The following KCNK10 variants were observed in gnomAD, a reference collection of about 807,000 sequenced individuals.
KCNK10 encodes potassium channel subfamily K member 10.
A neutral mutation model predicts 47.7 loss-of-function variants in KCNK10; 25 were observed. The ratio of observed to expected loss-of-function variants is 0.52; its 90% CI spans 0.38 to 0.73. The LOEUF is 0.73. KCNK10 is among the 30% of genes least tolerant of loss of function. The pLI is 0.00. For missense variants in KCNK10, 563 were observed against 714.5 expected, an observed-to-expected ratio of 0.79 and a Z score of 2.42; for synonymous variants, 303 against 285.6, an observed-to-expected ratio of 1.06 and a Z score of -0.61.
At chr14:88,265,737 T>C (rs1383582349) in intron 1 of KCNK10, among the ~76,000 whole-genome samples, 1 of 152,178 alleles carries the variant, frequency 6.6e-6, no homozygotes, top group Non-Finnish European at 1.5e-5. Flanking sequence ...AATTGAAGCA[T>C]GGGGGCAGGT....
intron 2 of KCNK10, among the ~76,000 whole-genome samples, chr14:88,243,238 G>A (rs1018847280): frequency 5.9e-5 from 9 of 152,184 alleles, no homozygotes; most frequent in East Asian, 1.9e-4. Flanking sequence ...CACTAGAAGC[G>A]TCATTCTGTT....
Position 88,215,092 on chromosome 14 carries a change from T to C in KCNK10, c.681+12283A>G, listed in dbSNP as rs183633153. Among the ~76,000 whole-genome samples, 715 of 152,138 alleles carry C rather than the reference T, an allele frequency of 4.7e-3. 6 individuals carry two copies. The highest frequency in any genetic ancestry group is 6.8e-3 in the Middle Eastern group (2 of 294). ...TCATATAATTAAGAAACAATAATGATCTCTTTGGCAGGGTAACTTACTGTA... is the reference window on the plus strand; with the variant it reads ...TCATATAATTAAGAAACAATAATGACCTCTTTGGCAGGGTAACTTACTGTA... On this transcript the variant is annotated intron_variant, in intron 4 of 6. Transcript: ENST00000319231.
intron 1 of KCNK10, among the ~76,000 whole-genome samples, chr14:88,265,229 CA>C (rs1887220887): frequency 6.6e-6 from 1 of 152,182 alleles, no homozygotes; most frequent in African/African-American, 2.4e-5. Flanking sequence ...TCTTACATGG[CA>C]AAAGGGACTT....
chr14:88,307,327 TCACACACA>T (rs112756986), intron 1 of KCNK10, among the ~76,000 whole-genome samples: 1 of 148,962 alleles, frequency 6.7e-6, no homozygotes, highest in African/African-American at 2.5e-5. Context: ...AAGAAGCTGA[TCACACACA>T]CACACACACA....
chr14:88,314,208 G>C (rs998086447), intron 1 of KCNK10, among the ~76,000 whole-genome samples: 1 of 152,182 alleles, frequency 6.6e-6, no homozygotes, highest in Non-Finnish European at 1.5e-5. Flanking sequence ...GGGGCCTTTG[G>C]AAGGTAATTA....
chr14:88,209,092 A>C (rs1167154523), intron 4 of KCNK10, among the ~76,000 whole-genome samples: 1 of 152,226 alleles, frequency 6.6e-6, no homozygotes, highest in Non-Finnish European at 1.5e-5. Context: ...GTATCTAAAC[A>C]GAAGAGACAG....
chr14:88,312,147 G>A (rs918754517), intron 1 of KCNK10, among the ~76,000 whole-genome samples: 17 of 152,126 alleles, frequency 1.1e-4, no homozygotes, highest in Admixed American at 9.2e-4. Flanking sequence ...ATATTCACTC[G>A]CCTCTGCCCA....
At position 88,250,625 on chromosome 14, in the gene KCNK10, G is replaced by C. The variant is rs144218949; in HGVS notation, c.403-9805C>G. 8.5e-5 allele frequency among the ~76,000 whole-genome samples: 13 copies of C among 152,264 alleles called. No homozygotes were observed. In the East Asian group the frequency reaches 2.5e-3, roughly 29 times the overall value. Reference sequence around the variant, plus strand: ...TCTCAGGTGCCGTGCTTTCCAACACGCTGCTTTCCTAAAAATTCTTATGTC... The same window carrying C: ...TCTCAGGTGCCGTGCTTTCCAACACCCTGCTTTCCTAAAAATTCTTATGTC... On this transcript the variant is annotated intron_variant, in intron 2 of 6. Transcript: ENST00000319231.
intron 2 of KCNK10, among the ~76,000 whole-genome samples, chr14:88,258,818 G>A (rs1166953414): frequency 6.6e-6 from 1 of 152,124 alleles, no homozygotes; most frequent in Non-Finnish European, 1.5e-5. Flanking sequence ...CTTACTTGTT[G>A]GAAAATCCCT....
At chr14:88,308,137 A>C (rs1009949764) in intron 1 of KCNK10, among the ~76,000 whole-genome samples, 1 of 152,144 alleles carries the variant, frequency 6.6e-6, no homozygotes, top group African/African-American at 2.4e-5. Context: ...GGCCACTGTT[A>C]ATAATCATCA....
At chr14:88,199,648 G>C (rs1042323484) in intron 4 of KCNK10, among the ~76,000 whole-genome samples, 1 of 152,174 alleles carries the variant, frequency 6.6e-6, no homozygotes, top group Non-Finnish European at 1.5e-5. Flanking sequence ...CCATCTCTTA[G>C]CTATGCAGCT....
At chr14:88,290,526 A>G (rs909159621) in intron 1 of KCNK10, among the ~76,000 whole-genome samples, 1 of 152,230 alleles carries the variant, frequency 6.6e-6, no homozygotes, top group Non-Finnish European at 1.5e-5. Context: ...CACTGTGTAC[A>G]TTTCACATGA....
intron 3 of KCNK10, 43 bp downstream of exon 3, chr14:88,240,660 A>G (rs1181658383): frequency 7.7e-7 from 1 of 1,297,146 alleles, no homozygotes; most frequent in Non-Finnish European, 1.1e-6. Context: ...CCCTTACTCA[A>G]GATGACCTGC....
rs1649618876 is a variant in KCNK10, at chr14:88,260,858, A to G, written c.402+2344T>C. Among the ~76,000 whole-genome samples the G allele has an allele frequency of 6.6e-6, 1 of 152,252 alleles. No individual in the cohort carries two copies. The highest frequency in any genetic ancestry group is 1.5e-5 in the Non-Finnish European group (1 of 68,050). On this transcript the variant is annotated intron_variant, in intron 2 of 6. Coordinates refer to ENST00000319231, the MANE Select transcript of KCNK10 (RefSeq NM_138317.3). This position sits in a 1 kb window ranked among gnomAD's most constrained non-coding sequence, Gnocchi z 4.5. ...CACACAAACGCACACATACACACAC[A>G]TATCTCATTTCACAGAGAAATCTTT...
chr14:88,221,611 T>C (rs929258862), intron 4 of KCNK10, among the ~76,000 whole-genome samples: 7 of 152,174 alleles, frequency 4.6e-5, no homozygotes, highest in African/African-American at 1.7e-4. Flanking sequence ...AAGTACAAAA[T>C]TGTATAGCCA....
At chr14:88,192,531 T>C in intron 4 of KCNK10, 121 bp from the exon 5 acceptor site, 1 of 805,170 alleles carries the variant, frequency 1.2e-6, no homozygotes. Context: ...CATTGGCTGC[T>C]TGGAGGAAAT....
At chr14:88,281,286 G>A (rs751882075) in intron 1 of KCNK10, among the ~76,000 whole-genome samples, 1 of 152,158 alleles carries the variant, frequency 6.6e-6, no homozygotes, top group Non-Finnish European at 1.5e-5. Context: ...ACTCTAAGTA[G>A]CCTAGGATAG....
At chr14:88,300,669 G>A (rs1354795421) in intron 1 of KCNK10, among the ~76,000 whole-genome samples, 1 of 152,080 alleles carries the variant, frequency 6.6e-6, no homozygotes, top group Admixed American at 6.5e-5. Context: ...AGCTTTCCTG[G>A]ACAATGAACC....
chr14:88,284,499 C>T (rs979059150), intron 1 of KCNK10, among the ~76,000 whole-genome samples: 2 of 152,132 alleles, frequency 1.3e-5, no homozygotes, highest in Non-Finnish European at 2.9e-5. Context: ...GTAGGGAAGC[C>T]GACAGTGCAC....
Sources: allele counts gnomAD v4.1 joint callset (sites outside exome capture counted in the v4.1 genomes callset), GRCh38; gene constraint gnomAD v4.1.1; non-coding constraint Gnocchi (gnomAD v3.1); transcripts MANE v1.5; gene names NCBI Gene and HGNC (gene_info 2026-07-23, HGNC 2026-07-21).